Variants in MAP3K15 observed in about 807,000 individuals in gnomAD.
The protein encoded by MAP3K15 is MAPK/ERK kinase kinase 15.
A neutral mutation model predicts 99.5 loss-of-function variants in MAP3K15; 124 were observed. The ratio of observed to expected loss-of-function variants is 1.25; its 90% CI spans 1.08 to 1.45. The LOEUF (loss-of-function observed/expected upper bound fraction) is 1.45. Among genes scored for constraint, MAP3K15 ranks in the 40% most tolerant of loss-of-function variants. MAP3K15 has a pLI of 0.00. For missense variants in MAP3K15, 1,242 were observed against 1,079.7 expected, an observed-to-expected ratio of 1.15 and a Z score of -2.11; for synonymous variants, 494 against 439.6, an observed-to-expected ratio of 1.12 and a Z score of -1.55.
chrX:19,395,277 C>A, intron 15 of MAP3K15, 69 bp from the exon 16 acceptor site: 1 of 1,049,159 alleles, frequency 9.5e-7, no homozygotes, highest in Non-Finnish European at 1.3e-6. Context: ...TCTCACCTCA[C>A]CAGGACCTGC....
chrX:19,435,724 G>T (rs1263930872), intron 6 of MAP3K15, among the ~76,000 whole-genome samples: 3 of 112,167 alleles, frequency 2.7e-5, no homozygotes, highest in African/African-American at 9.7e-5. Flanking sequence ...AGATCCCAAG[G>T]TATCCAAGAA....
In MAP3K15 at chrX:19,362,809, T is replaced by C. The variant is rs1364371261; in HGVS notation, c.3608A>G (p.Asn1203Ser). 15 of 1,189,245 alleles carry C rather than the reference T, an allele frequency of 1.3e-5. No individual in the cohort carries two copies. The East Asian group carries it at 4.2e-4, about 33-fold the overall frequency. The change falls in exon 26 of 29, where the codon AAT becomes AGT. Residue 1203 changes from asparagine to serine, a missense_variant. Asn to Ser is a conservative substitution (Grantham distance 46, BLOSUM62 1). Coordinates refer to ENST00000338883, the MANE Select transcript of MAP3K15 (RefSeq NM_001001671.4). ...HLVEKEREYQ[N>S]LLRQTLEQKT... ...CTGTTCTAGAGTTTGCCGCAGAAGA[T>C]TCTGGTACTCTCTCTCTTTTTCAAC...
intron 3 of MAP3K15, chrX:19,481,790 G>A (rs1233760805): frequency 8.9e-6 from 1 of 111,767 alleles, no homozygotes; most frequent in Non-Finnish European, 1.9e-5. Flanking sequence ...GTATTGGCAA[G>A]GATGTGAAGA....
chrX:19,427,144 C>T (rs1324608914), intron 7 of MAP3K15, among the ~76,000 whole-genome samples: 1 of 92,534 alleles, frequency 1.1e-5, no homozygotes, highest in Non-Finnish European at 1.9e-5. Context: ...CACACCTATG[C>T]ATTTTTTTTT....
intron 3 of MAP3K15, among the ~76,000 whole-genome samples, chrX:19,475,232 A>G (rs1210983958): frequency 1.8e-5 from 2 of 111,142 alleles, no homozygotes; most frequent in African/African-American, 3.3e-5. Context: ...CACACAAACT[A>G]GATCCCTCAC....
chrX:19,493,006 T>G (rs73455677), intron 1 of MAP3K15, among the ~76,000 whole-genome samples: 1 of 109,936 alleles, frequency 9.1e-6, no homozygotes. Context: ...CATAGTGATG[T>G]TATGAAAAAG....
At chrX:19,404,158 C>A (rs1311751197) in intron 13 of MAP3K15, among the ~76,000 whole-genome samples, 1 of 111,688 alleles carries the variant, frequency 9.0e-6, no homozygotes, top group Non-Finnish European at 1.9e-5. Flanking sequence ...TACATGAGTT[C>A]AGCAAGGTTG....
intron 1 of MAP3K15, among the ~76,000 whole-genome samples, chrX:19,501,259 C>T (rs1000640300): frequency 8.9e-6 from 1 of 111,856 alleles, no homozygotes; most frequent in African/African-American, 3.3e-5. Context: ...CATCTTTAAT[C>T]GCCTACTGTA....
intron 15 of MAP3K15, among the ~76,000 whole-genome samples, chrX:19,395,847 G>T (rs1463555137): frequency 5.4e-5 from 6 of 111,221 alleles, no homozygotes; most frequent in Admixed American, 3.8e-4. Context: ...ATTTTTTTTT[G>T]GCCTCATTTC....
rs746044764 is a variant in MAP3K15, at chrX:19,497,783, G to A, written c.362-8816C>T. 3.6e-5 allele frequency: 4 copies of A among 111,448 alleles called. No homozygotes were observed. In the South Asian group the frequency reaches 1.5e-3, roughly 42 times the overall value. The allele number at this position is 111,448 out of a possible 1,213,427, so 9.2% of individuals were successfully genotyped here. A position where few individuals can be genotyped will look rare whatever the true frequency, so the allele number is the denominator to read the frequency against. On this transcript the variant is annotated intron_variant, in intron 1 of 28. Transcript: ENST00000338883. ...CATTAGTAAGCATTGTCGATAAGATGCAGAGATATTTTATTATATTCTGAT... is the reference window on the plus strand; with the variant it reads ...CATTAGTAAGCATTGTCGATAAGATACAGAGATATTTTATTATATTCTGAT...
At chrX:19,506,541 G>GACGGA (rs2064478621) in intron 1 of MAP3K15, among the ~76,000 whole-genome samples, 1 of 111,868 alleles carries the variant, frequency 8.9e-6, no homozygotes, top group Non-Finnish European at 1.9e-5. Flanking sequence ...TTTTTCTTGA[G>GACGGA]ACGGAGTCTT....
At position 19,464,356 on chromosome X, in the gene MAP3K15, A is replaced by G. The variant is rs936603834; in HGVS notation, c.576T>C (p.Ala192=). 8.4e-7 allele frequency: 1 copy of G among 1,195,855 alleles called. No individual in the cohort carries two copies. Among genetic ancestry groups the G allele is most frequent in the East Asian group, 3.0e-5 (1 of 33,748 alleles). ...YFIPYIVTPC[A]DYFCCESDAQ... is the part of the protein sequence containing the mutation. ...CATCACTCTCGCAGCAAAAATAATC[A>G]GCGCACGGTGTCACGATGTATGGGA... The change falls in exon 4 of 29, where the codon GCT becomes GCC. Residue 192 remains alanine (A), a synonymous_variant. Transcript: ENST00000338883.
At chrX:19,367,280 C>T (rs2063340697) in intron 25 of MAP3K15, among the ~76,000 whole-genome samples, 1 of 110,786 alleles carries the variant, frequency 9.0e-6, no homozygotes, top group African/African-American at 3.3e-5. Context: ...ATGATGAGAA[C>T]ATATGGACAC....
In MAP3K15 at chrX:19,362,856, T is replaced by C; in HGVS notation, c.3567-6A>G. On this transcript the variant is annotated splice_region_variant and splice_polypyrimidine_tract_variant and intron_variant, in intron 25 of 28. Transcript: ENST00000338883. ...CAACTAGGTGTTCCAAAAGTCTGGT[T>C]TAAAAAAAAAAAAAAAAAGCCATTA... The C allele has an allele frequency of 1.0e-6, 1 of 965,954 alleles. No homozygotes were observed. Among genetic ancestry groups the C allele is most frequent in the South Asian group, 2.1e-5 (1 of 47,095 alleles). 79.6% of individuals were successfully genotyped at this position (965,954 alleles called of 1,213,427 possible).
At chrX:19,409,997 T>C (rs769528477) in intron 11 of MAP3K15, 24 bp from the exon 12 acceptor site, 1 of 1,179,769 alleles carries the variant, frequency 8.5e-7, no homozygotes, top group Non-Finnish European at 1.1e-6. Flanking sequence ...AAGACAGAAG[T>C]CAATAGTTTG....
intron 9 of MAP3K15, among the ~76,000 whole-genome samples, chrX:19,416,097 T>C (rs1401776686): frequency 1.8e-5 from 2 of 111,397 alleles, no homozygotes; most frequent in Non-Finnish European, 3.8e-5. Flanking sequence ...TTGGGAGGCC[T>C]AGGTGGGCAG....
chrX:19,456,927 C>T lies in MAP3K15; in HGVS notation c.981G>A (p.Ala327=), dbSNP rs377015339. ...ATCGTTCTTACCTATTCAGTGCAAA[C>T]GCATAGTGGAATTTAATGTTATGCT... ...ADQHNIKFHY[A]FALNRRNSTG... The change falls in exon 6 of 29, where the codon GCG becomes GCA. Residue 327 remains alanine (A), a synonymous_variant. Coordinates refer to ENST00000338883, the MANE Select transcript of MAP3K15 (RefSeq NM_001001671.4). 3.0e-5 allele frequency: 36 copies of T among 1,190,785 alleles called. No individual in the cohort carries two copies. The highest frequency in any genetic ancestry group is 5.3e-5 in the South Asian group (3 of 56,240).
At chrX:19,439,447 G>A (rs754013971) in intron 6 of MAP3K15, among the ~76,000 whole-genome samples, 5 of 110,889 alleles carry the variant, frequency 4.5e-5, no homozygotes, top group South Asian at 3.8e-4. Context: ...TCATCAAATC[G>A]TGCACTTAAA....
At chrX:19,367,914 A>G in intron 25 of MAP3K15, among the ~76,000 whole-genome samples, 1 of 105,659 alleles carries the variant, frequency 9.5e-6, no homozygotes, top group Non-Finnish European at 1.9e-5. Flanking sequence ...ACGCCCAGCT[A>G]ATTTTTGTAT....
Sources: allele counts gnomAD v4.1 joint callset (sites outside exome capture counted in the v4.1 genomes callset), GRCh38; gene constraint gnomAD v4.1.1; transcripts MANE v1.5; gene names NCBI Gene and HGNC (gene_info 2026-07-23, HGNC 2026-07-21).